SMIM5: variants seen among roughly 807,000 people sequenced by gnomAD.
The protein encoded by SMIM5 is small integral membrane protein 5, also known as chromosome 17 open reading frame 109.
SMIM5 carries 4 observed loss-of-function variants against 4.0 expected under a neutral mutation model. The ratio of observed to expected loss-of-function variants is 1.01; its 90% CI spans 0.50 to 2.30. SMIM5 has a LOEUF of 2.30. Among genes scored for constraint, SMIM5 ranks in the 30% most tolerant of loss-of-function variants. The pLI is 0.02. For synonymous variants in SMIM5, 46 were observed against 43.6 expected (o/e 1.05, Z -0.22); for missense variants, 107 against 99.2 (o/e 1.08, Z -0.34).
chr17:75,639,915 C>T (rs534044656), intron 1 of SMIM5: 50 of 348,112 alleles, frequency 1.4e-4, no homozygotes, highest in Non-Finnish European at 2.4e-4. Flanking sequence ...CACCACCAGC[C>T]GCCGCCTTGG....
In SMIM5 at chr17:75,634,075, C is replaced by T; in HGVS notation, c.-164C>T. ...AAAGCCAGGCAGAGACAGCAGCTGG[C>T]TGTCAGCAGAGGAGCTGGGCTGAGG... On this transcript the variant is annotated 5_prime_UTR_variant, in exon 1 of 3. Transcript: ENST00000375215. The T allele has an allele frequency of 1.0e-6, 1 of 985,628 alleles. No individual in the cohort carries two copies. The highest frequency in any genetic ancestry group is 1.2e-6 in the Non-Finnish European group (1 of 830,070). 61.1% of individuals were successfully genotyped at this position (985,628 alleles called of 1,614,324 possible). A position where few individuals can be genotyped will look rare whatever the true frequency, so the allele number is the denominator to read the frequency against.
At position 75,641,138 on chromosome 17, in the gene SMIM5, G is replaced by A. The variant is rs1599020720; in HGVS notation, c.*241G>A. 8.1e-6 allele frequency: 5 copies of A among 615,990 alleles called. No individual in the cohort carries two copies. The East Asian group carries it at 1.2e-4, about 15-fold the overall frequency. 38.2% of individuals were successfully genotyped at this position (615,990 alleles called of 1,614,324 possible). On this transcript the variant is annotated 3_prime_UTR_variant, in exon 3 of 3. Coordinates refer to ENST00000375215, the MANE Select transcript of SMIM5 (RefSeq NM_001162995.3). ...GTGCTGGGGAGTCAGCTGTTTCAAA[G>A]ACTGGGTCAACTGCCTGGGCTTCTT...
At position 75,641,070 on chromosome 17, in the gene SMIM5, G is replaced by T; in HGVS notation, c.*173G>T. ...ACTTGAGCCCTACCAAGGAAACAAGGGCTGGTATAGGTGCAAACCTCTCAT... is the reference window on the plus strand; with the variant it reads ...ACTTGAGCCCTACCAAGGAAACAAGTGCTGGTATAGGTGCAAACCTCTCAT... On this transcript the variant is annotated 3_prime_UTR_variant, in exon 3 of 3. Transcript: ENST00000375215. 1 of 1,204,506 alleles carries T rather than the reference G, an allele frequency of 8.3e-7. No homozygotes were observed. The highest frequency in any genetic ancestry group is 1.1e-6 in the Non-Finnish European group (1 of 888,132). 74.6% of individuals were successfully genotyped at this position (1,204,506 alleles called of 1,614,324 possible).
chr17:75,640,291 G>A lies in SMIM5; in HGVS notation c.90G>A (p.Val30=). 1 of 1,551,266 alleles carries A rather than the reference G, an allele frequency of 6.4e-7. No homozygotes were observed. The highest frequency in any genetic ancestry group is 8.7e-7 in the Non-Finnish European group (1 of 1,146,780). The change falls in exon 2 of 3, where the codon GTG becomes GTA. Residue 30 remains valine, a synonymous_variant. Transcript: ENST00000375215. The surrounding 1 kb of genome is among the most constrained non-coding windows in gnomAD (Gnocchi z 4.6). ...AGAGACTGCCCCAGGCTGAGCCCGT[G>A]GAGATCGTGGCCTTCTCAGTCATCA... ...KLQRLPQAEP[V]EIVAFSVIIL... is the part of the protein sequence containing the mutation.
intron 1 of SMIM5, among the ~76,000 whole-genome samples, chr17:75,635,289 C>T (rs1455109115): frequency 1.3e-5 from 2 of 152,140 alleles, no homozygotes; most frequent in Non-Finnish European, 2.9e-5. Flanking sequence ...GGGGTCGGGG[C>T]ACAGCGGTGA....
At position 75,640,086 on chromosome 17, in the gene SMIM5, G is replaced by T. The variant is rs1290379155; in HGVS notation, c.-36-80G>T. 2.2e-6 allele frequency: 3 copies of T among 1,372,042 alleles called. No individual in the cohort carries two copies. Among genetic ancestry groups the T allele is most frequent in the Non-Finnish European group, 2.9e-6 (3 of 1,043,578 alleles). The allele number at this position is 1,372,042 out of a possible 1,614,324, so 85.0% of individuals were successfully genotyped here. A position where few individuals can be genotyped will look rare whatever the true frequency, so the allele number is the denominator to read the frequency against. On this transcript the variant is annotated intron_variant, in intron 1 of 2. Transcript: ENST00000375215. The surrounding 1 kb of genome is among the most constrained non-coding windows in gnomAD (Gnocchi z 4.6). The stretch of plus-strand genomic sequence containing the variant: ...AAACTTGTTCTGCGGGCTGCGGATG[G>T]GTGCGAGGGTGGAATCTCGGTGCTG...
Position 75,633,941 on chromosome 17 carries a change from G to A in SMIM5, c.-298G>A. ...TGAGCAGCGCTCTCAGGGCAGAGGT[G>A]AGGCACCGGGACATGAAGTTGGAGG... is the stretch of plus-strand genomic sequence containing the variant. On this transcript the variant is annotated 5_prime_UTR_variant, in exon 1 of 3. Coordinates refer to ENST00000375215, the MANE Select transcript of SMIM5 (RefSeq NM_001162995.3). 1 of 985,738 alleles carries A rather than the reference G, an allele frequency of 1.0e-6. No individual in the cohort carries two copies. The highest frequency in any genetic ancestry group is 1.2e-6 in the Non-Finnish European group (1 of 830,040). 61.1% of individuals were successfully genotyped at this position (985,738 alleles called of 1,614,324 possible). A position where few individuals can be genotyped will look rare whatever the true frequency, so the allele number is the denominator to read the frequency against.
rs2047914320 is a variant in SMIM5 at position 75,640,332 on chromosome 17, A to G, written c.127+4A>G. Reference sequence around the variant, plus strand: ...TCAGTCATCATCCTTTTCACAGGTTAGTTGGGGCACTCAGCACCCCATGGC... The same window carrying G: ...TCAGTCATCATCCTTTTCACAGGTTGGTTGGGGCACTCAGCACCCCATGGC... On this transcript the variant is annotated splice_donor_region_variant and intron_variant, in intron 2 of 2. Coordinates refer to ENST00000375215, the MANE Select transcript of SMIM5 (RefSeq NM_001162995.3). The surrounding 1 kb of genome is among the most constrained non-coding windows in gnomAD (Gnocchi z 4.6). 1.3e-5 allele frequency: 20 copies of G among 1,544,468 alleles called. No individual in the cohort carries two copies. Among genetic ancestry groups the G allele is most frequent in the Non-Finnish European group, 1.8e-5 (20 of 1,142,696 alleles).
At position 75,641,043 on chromosome 17, in the gene SMIM5, C is replaced by T; in HGVS notation, c.*146C>T. 2 of 1,375,312 alleles carry T rather than the reference C, an allele frequency of 1.5e-6. No individual in the cohort carries two copies. The highest frequency in any genetic ancestry group is 2.6e-5 in the Admixed American group (1 of 38,200). 85.2% of individuals were successfully genotyped at this position (1,375,312 alleles called of 1,614,324 possible). A position where few individuals can be genotyped will look rare whatever the true frequency, so the allele number is the denominator to read the frequency against. On this transcript the variant is annotated 3_prime_UTR_variant, in exon 3 of 3. Coordinates refer to ENST00000375215, the MANE Select transcript of SMIM5 (RefSeq NM_001162995.3). Reference sequence around the variant, plus strand: ...CCCAGCCCAGGTACCTGGACACTGACAACTTGAGCCCTACCAAGGAAACAA... The same window carrying T: ...CCCAGCCCAGGTACCTGGACACTGATAACTTGAGCCCTACCAAGGAAACAA...
rs1417367372 is a variant in SMIM5, at chr17:75,636,547, CCA to C, written c.-37+2350_-37+2351del. Reference sequence around the variant, plus strand: ...TTAGGAGCAGCGGCTGGGGCACATGCCACACAGTCACCTGACGGCTGCTGGTT... The same window carrying C: ...TTAGGAGCAGCGGCTGGGGCACATGCCACAGTCACCTGACGGCTGCTGGTT... On this transcript the variant is annotated intron_variant, in intron 1 of 2. Transcript: ENST00000375215. This position sits in a 1 kb window ranked among gnomAD's most constrained non-coding sequence, Gnocchi z 5.4. 1 of 152,212 alleles carries C rather than the reference CCA, an allele frequency of 6.6e-6. No homozygotes were observed. The highest frequency in any genetic ancestry group is 1.5e-5 in the Non-Finnish European group (1 of 68,060). 9.4% of individuals were successfully genotyped at this position (152,212 alleles called of 1,614,324 possible). A position where few individuals can be genotyped will look rare whatever the true frequency, so the allele number is the denominator to read the frequency against.
rs1320744534 is a variant in SMIM5 at position 75,634,220 on chromosome 17, C to G, written c.-37+18C>G. On this transcript the variant is annotated intron_variant, in intron 1 of 2. Transcript: ENST00000375215. Reference sequence around the variant, plus strand: ...GCTCCCAGGTGAGTGGCAATGGCCACAGAAGAAGGGGGGACAGGGAGGGAG... The same window carrying G: ...GCTCCCAGGTGAGTGGCAATGGCCAGAGAAGAAGGGGGGACAGGGAGGGAG... 21 of 985,564 alleles carry G rather than the reference C, an allele frequency of 2.1e-5. No individual in the cohort carries two copies. The highest frequency in any genetic ancestry group is 2.4e-5 in the Non-Finnish European group (20 of 830,032). The allele number at this position is 985,564 out of a possible 1,614,324, so 61.1% of individuals were successfully genotyped here.
chr17:75,640,280 G>T lies in SMIM5; in HGVS notation c.79G>T (p.Ala27Ser). Residue 27 changes from alanine to serine, a missense_variant, in exon 2 of 3, where the codon GCT becomes TCT. Ala to Ser is a moderately conservative substitution (Grantham distance 99). Transcript: ENST00000375215. The surrounding 1 kb of genome is among the most constrained non-coding windows in gnomAD (Gnocchi z 4.6). ...GCTCAAGCTGCAGAGACTGCCCCAG[G>T]CTGAGCCCGTGGAGATCGTGGCCTT... The part of the protein sequence containing the change: ...LLLKLQRLPQ[A>S]EPVEIVAFSV... The T allele has an allele frequency of 6.4e-7, 1 of 1,551,472 alleles. No individual in the cohort carries two copies. The highest frequency in any genetic ancestry group is 1.2e-5 in the South Asian group (1 of 84,046).
chr17:75,636,302 G>A lies in SMIM5; in HGVS notation c.-37+2100G>A, dbSNP rs1368043056. On this transcript the variant is annotated intron_variant, in intron 1 of 2. Coordinates refer to ENST00000375215, the MANE Select transcript of SMIM5 (RefSeq NM_001162995.3). This position sits in a 1 kb window ranked among gnomAD's most constrained non-coding sequence, Gnocchi z 5.4. ...GTGGGCACTACCAAGCGTGGGGTTG[G>A]GAGGGACTGGTTGCCCTGGTTCGCA... Among the ~76,000 whole-genome samples the A allele has an allele frequency of 2.0e-5, 3 of 152,134 alleles. No homozygotes were observed. The highest frequency in any genetic ancestry group is 4.4e-5 in the Non-Finnish European group (3 of 68,022).
rs1351189228 is a variant in SMIM5 at position 75,640,837 on chromosome 17, T to C, written c.174T>C (p.Thr58=). The change falls in exon 3 of 3, where the codon ACT becomes ACC. Residue 58 remains threonine, a synonymous_variant. Coordinates refer to ENST00000375215, the MANE Select transcript of SMIM5 (RefSeq NM_001162995.3). This position sits in a 1 kb window ranked among gnomAD's most constrained non-coding sequence, Gnocchi z 4.6. ...TGATAGCCTGCAGCTGCTGCTGCAC[T>C]CACTGCTGCTGCCCTGAGCGGAGAG... ...LLLIACSCCC[T]HCCCPERRGR... 1.2e-5 allele frequency: 18 copies of C among 1,549,580 alleles called. No homozygotes were observed. In the East Asian group the frequency reaches 4.4e-4, roughly 38 times the overall value.
At chr17:75,639,982 C>T in intron 1 of SMIM5, 184 bp from the exon 2 acceptor site, 1 of 591,918 alleles carries the variant, frequency 1.7e-6, no homozygotes, top group Non-Finnish European at 2.8e-6. Context: ...TTCCTCCACC[C>T]TGAGCTGTGT....
chr17:75,640,751 T>TC lies in SMIM5; in HGVS notation c.128-35dup. 6.5e-7 allele frequency: 1 copy of TC among 1,533,116 alleles called. No individual in the cohort carries two copies. The highest frequency in any genetic ancestry group is 8.8e-7 in the Non-Finnish European group (1 of 1,134,102). The allele number at this position is 1,533,116 out of a possible 1,614,324, so 95.0% of individuals were successfully genotyped here. ...GGGAGGAGGGTGGGCATCCTTTCTC[T>TC]CCCCCAACCTGAGTCCCGTGCTCTC... On this transcript the variant is annotated intron_variant, in intron 2 of 2. Transcript: ENST00000375215. This position sits in a 1 kb window ranked among gnomAD's most constrained non-coding sequence, Gnocchi z 4.6.
In SMIM5 at chr17:75,641,039, C is replaced by CT. The variant is rs2059427383; in HGVS notation, c.*143dup. On this transcript the variant is annotated 3_prime_UTR_variant, in exon 3 of 3. Coordinates refer to ENST00000375215, the MANE Select transcript of SMIM5 (RefSeq NM_001162995.3). ...CTGGCCCAGCCCAGGTACCTGGACA[C>CT]TGACAACTTGAGCCCTACCAAGGAA... 7.1e-7 allele frequency: 1 copy of CT among 1,402,026 alleles called. No individual in the cohort carries two copies. The highest frequency in any genetic ancestry group is 9.4e-7 in the Non-Finnish European group (1 of 1,059,444). The allele number at this position is 1,402,026 out of a possible 1,614,324, so 86.8% of individuals were successfully genotyped here.
rs1359253894 is a variant in SMIM5 at position 75,640,314 on chromosome 17, T to C, written c.113T>C (p.Ile38Thr). The C allele has an allele frequency of 6.5e-7, 1 of 1,549,006 alleles. No homozygotes were observed. Among genetic ancestry groups the C allele is most frequent in the Admixed American group, 2.0e-5 (1 of 50,522 alleles). Residue 38 changes from isoleucine (I) to threonine (T), a missense_variant, in exon 2 of 3, where the codon ATC becomes ACC. Coordinates refer to ENST00000375215, the MANE Select transcript of SMIM5 (RefSeq NM_001162995.3). This position sits in a 1 kb window ranked among gnomAD's most constrained non-coding sequence, Gnocchi z 4.6. ...GTGGAGATCGTGGCCTTCTCAGTCA[T>C]CATCCTTTTCACAGGTTAGTTGGGG... is the stretch of plus-strand genomic sequence containing the variant. ...EPVEIVAFSV[I>T]ILFTATVLLL...
In SMIM5 at chr17:75,640,021, T is replaced by C; in HGVS notation, c.-36-145T>C. The C allele has an allele frequency of 1.2e-6, 1 of 816,198 alleles. No homozygotes were observed. Among genetic ancestry groups the C allele is most frequent in the African/African-American group, 1.7e-5 (1 of 57,238 alleles). 50.6% of individuals were successfully genotyped at this position (816,198 alleles called of 1,614,324 possible). A position where few individuals can be genotyped will look rare whatever the true frequency, so the allele number is the denominator to read the frequency against. On this transcript the variant is annotated intron_variant, in intron 1 of 2. Transcript: ENST00000375215. This position sits in a 1 kb window ranked among gnomAD's most constrained non-coding sequence, Gnocchi z 4.6. ...CTGGGTGGGGACTGAGGGCCACCAC[T>C]AGGTGGAAGTCACCAGGGGTGCAAT...
Sources: allele counts gnomAD v4.1 joint callset (sites outside exome capture counted in the v4.1 genomes callset), GRCh38; gene constraint gnomAD v4.1.1; non-coding constraint Gnocchi (gnomAD v3.1); transcripts MANE v1.5; gene names NCBI Gene and HGNC (gene_info 2026-07-23, HGNC 2026-07-21).